Variants in CFAP69 observed in about 807,000 individuals in gnomAD.
CFAP69 encodes the protein cilia and flagella associated protein 69, also known as cilia- and flagella-associated protein 69.
Under a neutral mutation model 123.0 loss-of-function variants are expected in CFAP69, and 92 were observed. That is an observed-to-expected ratio of 0.75 (90% confidence interval 0.63 to 0.89). CFAP69 has a LOEUF of 0.89. Ranked by LOEUF, CFAP69 falls within the 40% of genes least tolerant of loss-of-function variation. CFAP69 has a pLI of 0.00. For missense variants in CFAP69, 1,067 were observed against 1,096.9 expected, an observed-to-expected ratio of 0.97 and a Z score of 0.39; for synonymous variants, 380 against 364.3, an observed-to-expected ratio of 1.04 and a Z score of -0.49.
At chr7:90,250,338 C>T (rs1395638593) in intron 1 of CFAP69, among the ~76,000 whole-genome samples, 86 of 151,972 alleles carry the variant, frequency 5.7e-4, no homozygotes, top group East Asian at 3.9e-4. Context: ...TTAATAGCTA[C>T]GTGGCTTTAA....
At chr7:90,275,068 A>C (rs1788382881) in intron 9 of CFAP69, among the ~76,000 whole-genome samples, 1 of 152,212 alleles carries the variant, frequency 6.6e-6, no homozygotes, top group South Asian at 2.1e-4. Flanking sequence ...TATATATTTA[A>C]ATTCACTGAC....
At position 90,295,753 on chromosome 7, in the gene CFAP69, G is replaced by A. The variant is rs111331888; in HGVS notation, c.1776-1996G>A. ...TAAAAGAATGGCTACTCCATAATCA[G>A]AGCAGCCCTAAGGACTGCTGGTTGC... On this transcript the variant is annotated intron_variant, in intron 15 of 22. Coordinates refer to ENST00000389297, the MANE Select transcript of CFAP69 (RefSeq NM_001039706.3). Among the ~76,000 whole-genome samples, 894 of 152,304 alleles carry A rather than the reference G, an allele frequency of 5.9e-3. 15 individuals carry two copies. The highest frequency in any genetic ancestry group is 0.02 in the African/African-American group (845 of 41,566).
chr7:90,294,056 G>C (rs1791580152), intron 15 of CFAP69, among the ~76,000 whole-genome samples: 1 of 152,004 alleles, frequency 6.6e-6, no homozygotes, highest in South Asian at 2.1e-4. Context: ...TTTACTTTAG[G>C]ACAAGAATCT....
the CFAP69 span, among the ~76,000 whole-genome samples, chr7:90,322,050 G>A: frequency 3.6e-5 from 4 of 111,456 alleles, no homozygotes; most frequent in East Asian, 8.2e-4. Flanking sequence ...ATCATGGGGT[G>A]AGATGAGTGC....
chr7:90,283,210 T>C (rs779104061), intron 13 of CFAP69, among the ~76,000 whole-genome samples, 154 bp downstream of exon 13: 3 of 152,222 alleles, frequency 2.0e-5, no homozygotes, highest in Non-Finnish European at 2.9e-5. Flanking sequence ...TGCTATAAAT[T>C]AGTGTGTCTT....
chr7:90,315,160 T>A (rs185908394), downstream of CFAP69, among the ~76,000 whole-genome samples: 1 of 149,378 alleles, frequency 6.7e-6, no homozygotes, highest in Non-Finnish European at 1.5e-5. Flanking sequence ...TTGCTGGGAG[T>A]GTAAATTAGT....
At chr7:90,308,576 A>G (rs1793939601) in intron 21 of CFAP69, among the ~76,000 whole-genome samples, 1 of 152,176 alleles carries the variant, frequency 6.6e-6, no homozygotes, top group African/African-American at 2.4e-5. Context: ...GTTAGTCCAC[A>G]AGACGGTGGA....
downstream of CFAP69, among the ~76,000 whole-genome samples, chr7:90,314,453 A>G (rs1054368584): frequency 2.6e-5 from 4 of 151,928 alleles, no homozygotes; most frequent in Non-Finnish European, 5.9e-5. Flanking sequence ...TGCAATCCTG[A>G]CTCTACAAAA....
At position 90,250,187 on chromosome 7, in the gene CFAP69, G is replaced by GGAGAGAGAGAGAGAGAGAGAGAGA. The variant is rs10527106; in HGVS notation, c.120+4668_120+4691dup. On this transcript the variant is annotated intron_variant, in intron 1 of 22. Coordinates refer to ENST00000389297, the MANE Select transcript of CFAP69 (RefSeq NM_001039706.3). ...GGGAGACCCCCACTCTTTAAAGAGA[G>GGAGAGAGAGAGAGAGAGAGAGAGA]GAGAGAGAGAGAGAGAGAGAGAGAG... Among the ~76,000 whole-genome samples, 42 of 125,782 alleles carry GGAGAGAGAGAGAGAGAGAGAGAGA rather than the reference G, an allele frequency of 3.3e-4. 1 individual carries two copies. The highest frequency in any genetic ancestry group is 4.0e-4 in the Non-Finnish European group (24 of 59,328). The allele number at this position is 125,782 out of a possible 152,430, so 82.5% of individuals were successfully genotyped here.
At chr7:90,250,187 GGA>G (rs10527106) in intron 1 of CFAP69, among the ~76,000 whole-genome samples, 10,776 of 123,844 alleles carry the variant, frequency 0.087, 664 homozygotes, top group Non-Finnish European at 0.12. Flanking sequence ...TTTAAAGAGA[GGA>G]GAGAGAGAGA....
chr7:90,248,129 G>A (rs187830095), intron 1 of CFAP69, among the ~76,000 whole-genome samples: 15 of 152,212 alleles, frequency 9.9e-5, no homozygotes, highest in African/African-American at 3.4e-4. Flanking sequence ...TGCAGATTTC[G>A]GTCTGCTCAC....
intron 1 of CFAP69, chr7:90,252,144 G>GTGTGTGTT (rs1432222249): frequency 4.1e-5 from 6 of 147,616 alleles, no homozygotes; most frequent in African/African-American, 1.5e-4. Context: ...GTGTGTGTGT[G>GTGTGTGTT]TGCATGCGCG....
rs1798495966 is a variant in CFAP69 at position 90,262,699 on chromosome 7, G to A, written c.356+643G>A. Among the ~76,000 whole-genome samples the A allele has an allele frequency of 3.9e-5, 6 of 151,962 alleles. No homozygotes were observed. The South Asian group carries it at 1.2e-3, about 32-fold the overall frequency. The stretch of plus-strand genomic sequence containing the variant: ...GTTGCTAAATGTAATGTAGTAGGGA[G>A]GAATAAACCTTTTGGACAATTTTAC... On this transcript the variant is annotated intron_variant, in intron 4 of 22. Transcript: ENST00000389297.
In CFAP69 at chr7:90,304,916, A is replaced by G. The variant is rs140753168; in HGVS notation, c.2265+96A>G. The G allele has an allele frequency of 2.5e-4, 224 of 897,778 alleles. No homozygotes were observed. In the African/African-American group the frequency reaches 3.4e-3, roughly 14 times the overall value. 55.6% of individuals were successfully genotyped at this position (897,778 alleles called of 1,614,324 possible). On this transcript the variant is annotated intron_variant, in intron 19 of 22. Transcript: ENST00000389297. ...TATTCATGGTTGTGAGCAATCATCT[A>G]CATACTGTATAGTTTTTATTTTTCA... is the stretch of plus-strand genomic sequence containing the variant.
chr7:90,254,787 A>C (rs1414949510), intron 1 of CFAP69, among the ~76,000 whole-genome samples: 1 of 152,214 alleles, frequency 6.6e-6, no homozygotes, highest in Non-Finnish European at 1.5e-5. Flanking sequence ...GGTCATGTTC[A>C]GATTTCAGTT....
At chr7:90,278,501 T>G (rs983088503) in intron 11 of CFAP69, among the ~76,000 whole-genome samples, 2 of 152,084 alleles carry the variant, frequency 1.3e-5, no homozygotes, top group South Asian at 2.1e-4. Flanking sequence ...ATTTGGAAAA[T>G]TATTCCATAA....
chr7:90,300,513 A>T (rs1162981755), intron 17 of CFAP69: 1 of 701,360 alleles, frequency 1.4e-6, no homozygotes, highest in Non-Finnish European at 1.8e-6. Flanking sequence ...ATGAAAGAAG[A>T]TATTGTTTCC....
rs1398287846 is a variant in CFAP69, at chr7:90,294,926, G to T, written c.1776-2823G>T. ...AAAAGGGAAGGGAGCATTGCTTTTG[G>T]CAGTGTGGGGAAGGTGAGGTGCTCA... On this transcript the variant is annotated intron_variant, in intron 15 of 22. Coordinates refer to ENST00000389297, the MANE Select transcript of CFAP69 (RefSeq NM_001039706.3). Among the ~76,000 whole-genome samples, 2 of 152,178 alleles carry T rather than the reference G, an allele frequency of 1.3e-5. 1 individual carries two copies. Among genetic ancestry groups the T allele is most frequent in the Non-Finnish European group, 2.9e-5 (2 of 68,040 alleles).
At chr7:90,248,573 A>C (rs1796594233) in intron 1 of CFAP69, among the ~76,000 whole-genome samples, 1 of 152,220 alleles carries the variant, frequency 6.6e-6, no homozygotes, top group South Asian at 2.1e-4. Flanking sequence ...TTATGAGTAA[A>C]GTTATTAGTA....
Sources: gnomAD v4.1 joint callset for allele counts (sites outside exome capture counted in the v4.1 genomes callset) on GRCh38, gnomAD v4.1.1 for gene constraint, MANE v1.5 for transcripts, NCBI Gene and HGNC (gene_info 2026-07-23, HGNC 2026-07-21) for gene names.